RABGAP1L: variants seen among roughly 807,000 people sequenced by gnomAD.
RABGAP1L encodes the protein RAB GTPase activating protein 1 like.
A neutral mutation model predicts 137.7 loss-of-function variants in RABGAP1L; 63 were observed. The ratio of observed to expected loss-of-function variants is 0.46; its 90% CI spans 0.37 to 0.56. The LOEUF (loss-of-function observed/expected upper bound fraction) is 0.56. Ranked by LOEUF, RABGAP1L falls within the 20% of genes least tolerant of loss-of-function variation. The pLI, the probability that RABGAP1L is intolerant of heterozygous loss-of-function variation, is 0.00. For missense variants in RABGAP1L, 1,095 were observed against 1,244.0 expected, an observed-to-expected ratio of 0.88 and a Z score of 1.80; for synonymous variants, 431 against 433.7, an observed-to-expected ratio of 0.99 and a Z score of 0.08.
chr1:174,453,630 G>A (rs1025593915), intron 13 of RABGAP1L, among the ~76,000 whole-genome samples: 5 of 152,116 alleles, frequency 3.3e-5, no homozygotes, highest in African/African-American at 1.2e-4. Context: ...TCCAAAAGAT[G>A]CTCTTTTCCT....
rs1668982343 is a variant in RABGAP1L, at chr1:174,960,372, T to G, written c.2433+2823T>G. 2.0e-5 allele frequency among the ~76,000 whole-genome samples: 3 copies of G among 152,202 alleles called. No homozygotes were observed. In the South Asian group the frequency reaches 6.2e-4, roughly 32 times the overall value. On this transcript the variant is annotated intron_variant, in intron 20 of 25. Transcript: ENST00000681986. ...ACTTCTTGCTACATCTATGTAAACA[T>G]GTGTTTTATGTCTATTTTTATGACA...
chr1:174,903,850 T>C (rs551236604), intron 19 of RABGAP1L, among the ~76,000 whole-genome samples: 12 of 151,498 alleles, frequency 7.9e-5, no homozygotes, highest in Non-Finnish European at 1.8e-4. Flanking sequence ...CTTGGGAGGC[T>C]GAGGCAGGAG....
chr1:174,213,682 T>C (rs1459635895), intron 1 of RABGAP1L, among the ~76,000 whole-genome samples: 1 of 152,170 alleles, frequency 6.6e-6, no homozygotes, highest in Non-Finnish European at 1.5e-5. Flanking sequence ...CAGACACATA[T>C]CAATCGGTGT....
chr1:174,416,209 G>A (rs1261912040), intron 13 of RABGAP1L, among the ~76,000 whole-genome samples: 2 of 151,766 alleles, frequency 1.3e-5, no homozygotes, highest in Non-Finnish European at 1.5e-5. Flanking sequence ...GAGAATAATT[G>A]TTCATCCCAG....
At chr1:174,442,186 C>G (rs560445775) in intron 13 of RABGAP1L, among the ~76,000 whole-genome samples, 1 of 151,850 alleles carries the variant, frequency 6.6e-6, no homozygotes, top group Non-Finnish European at 1.5e-5. Flanking sequence ...TGGGACCTAT[C>G]TACATTCACG....
chr1:174,765,555 C>A (rs1455950679), intron 18 of RABGAP1L, among the ~76,000 whole-genome samples: 1 of 152,032 alleles, frequency 6.6e-6, no homozygotes, highest in African/African-American at 2.4e-5. Flanking sequence ...CTACATCAGA[C>A]TCCCAAGTAG....
intron 13 of RABGAP1L, among the ~76,000 whole-genome samples, chr1:174,431,303 A>C (rs758221250): frequency 3.9e-5 from 6 of 152,208 alleles, no homozygotes; most frequent in Non-Finnish European, 7.4e-5. Context: ...CATTGATATA[A>C]AAATGAAATG....
chr1:174,327,992 T>TACACAC (rs1553274553), intron 11 of RABGAP1L, among the ~76,000 whole-genome samples: 17 of 57,592 alleles, frequency 3.0e-4, no homozygotes, highest in Non-Finnish European at 4.8e-4. Context: ...CACACATATA[T>TACACAC]ATATATATAT....
At chr1:174,895,153 A>G (rs535356751) in intron 19 of RABGAP1L, among the ~76,000 whole-genome samples, 1 of 152,368 alleles carries the variant, frequency 6.6e-6, no homozygotes, top group South Asian at 2.1e-4. Context: ...AAAATTGGTC[A>G]AATAAGTAAA....
intron 19 of RABGAP1L, among the ~76,000 whole-genome samples, chr1:174,941,764 C>T (rs1002214387): frequency 2.0e-5 from 3 of 152,180 alleles, no homozygotes; most frequent in African/African-American, 7.2e-5. Context: ...CCCTCCAGGA[C>T]GATGCTTACA....
chr1:174,195,712 CTTTT>C (rs1558021625), intron 1 of RABGAP1L, among the ~76,000 whole-genome samples: 56 of 110,616 alleles, frequency 5.1e-4, no homozygotes, highest in African/African-American at 1.8e-3. Flanking sequence ...TTCCTTCTTT[CTTTT>C]CTTTCTTTTC....
chr1:174,750,629 G>T (rs563764685), intron 17 of RABGAP1L, among the ~76,000 whole-genome samples: 1 of 152,308 alleles, frequency 6.6e-6, no homozygotes, highest in Non-Finnish European at 1.5e-5. Context: ...AGGCTACCAT[G>T]AAAGGATTTG....
chr1:174,906,377 C>T (rs1014270901), intron 19 of RABGAP1L, among the ~76,000 whole-genome samples: 1 of 152,126 alleles, frequency 6.6e-6, no homozygotes, highest in African/African-American at 2.4e-5. Context: ...CCTGTAATCC[C>T]AGCATTTTGG....
At chr1:174,354,838 T>C (rs1683483240) in intron 11 of RABGAP1L, among the ~76,000 whole-genome samples, 1 of 152,224 alleles carries the variant, frequency 6.6e-6, no homozygotes, top group African/African-American at 2.4e-5. Flanking sequence ...AAATTTTGTA[T>C]AAGGTGTAAG....
intron 1 of RABGAP1L, among the ~76,000 whole-genome samples, chr1:174,174,059 T>G (rs1184074628): frequency 6.6e-6 from 1 of 152,202 alleles, no homozygotes; most frequent in African/African-American, 2.4e-5. Flanking sequence ...TTACTTTATA[T>G]ATGATACTTA....
At chr1:174,376,880 C>T (rs1311784908) in intron 12 of RABGAP1L, among the ~76,000 whole-genome samples, 1 of 152,008 alleles carries the variant, frequency 6.6e-6, no homozygotes, top group Non-Finnish European at 1.5e-5. Flanking sequence ...AAATAAAAGG[C>T]AAACAAGATT....
At chr1:174,494,187 T>C (rs545354900) in intron 13 of RABGAP1L, among the ~76,000 whole-genome samples, 4 of 152,324 alleles carry the variant, frequency 2.6e-5, no homozygotes, top group Non-Finnish European at 5.9e-5. Context: ...GGTTTATGTC[T>C]GTTGATGGGC....
chr1:174,365,533 T>A (rs777666734), intron 11 of RABGAP1L, among the ~76,000 whole-genome samples: 2 of 152,154 alleles, frequency 1.3e-5, no homozygotes, highest in Admixed American at 1.3e-4. Context: ...GTTTCCCTGC[T>A]GGCTAGGGCT....
intron 1 of RABGAP1L, among the ~76,000 whole-genome samples, chr1:174,186,237 C>T (rs1319973677): frequency 6.6e-6 from 1 of 151,948 alleles, no homozygotes. Flanking sequence ...CTGATGCTCA[C>T]ACTTATTTTG....
Sources: allele counts gnomAD v4.1 joint callset (sites outside exome capture counted in the v4.1 genomes callset), GRCh38; gene constraint gnomAD v4.1.1; transcripts MANE v1.5; gene names NCBI Gene and HGNC (gene_info 2026-07-23, HGNC 2026-07-21).